The following CSMD1 variants were observed in gnomAD, a reference collection of about 807,000 sequenced individuals.
The protein encoded by CSMD1 is CUB and Sushi multiple domains 1, also known as CUB and sushi domain-containing protein 1.
Under a neutral mutation model 417.5 loss-of-function variants are expected in CSMD1, and 213 were observed. The observed-to-expected ratio is 0.51, with a 90% confidence interval of 0.46 to 0.57. The LOEUF is 0.57. CSMD1 is among the 20% of genes least tolerant of loss of function. The pLI is 0.00. For synonymous variants in CSMD1, 2,862 were observed against 1,736.8 expected, an observed-to-expected ratio of 1.65 and a Z score of -16.11; for missense variants, 6,923 against 4,529.7, an observed-to-expected ratio of 1.53 and a Z score of -15.17.
At chr8:3,540,431 A>G (rs1458836985) in intron 10 of CSMD1, among the ~76,000 whole-genome samples, 3 of 152,238 alleles carry the variant, frequency 2.0e-5, no homozygotes, top group Non-Finnish European at 4.4e-5. Flanking sequence ...TAAAAACCCT[A>G]GAATAAAATC....
chr8:3,712,788 G>C (rs1241591034), intron 6 of CSMD1, among the ~76,000 whole-genome samples: 5 of 152,166 alleles, frequency 3.3e-5, no homozygotes, highest in Non-Finnish European at 5.9e-5. Context: ...TGGGTAAGGT[G>C]ATTCCTTAGT....
At chr8:3,014,469 C>CT (rs952072288) in intron 52 of CSMD1, among the ~76,000 whole-genome samples, 5 of 152,108 alleles carry the variant, frequency 3.3e-5, no homozygotes, top group Non-Finnish European at 7.3e-5. Flanking sequence ...AGGATTCTTC[C>CT]TTTCCATAAT....
At chr8:4,262,657 T>C (rs1803969475) in intron 3 of CSMD1, among the ~76,000 whole-genome samples, 1 of 151,892 alleles carries the variant, frequency 6.6e-6, no homozygotes, top group African/African-American at 2.4e-5. Flanking sequence ...GCTGAAAGAG[T>C]AAAACGTGCC....
chr8:2,959,229 G>C (rs1046186583), intron 62 of CSMD1, among the ~76,000 whole-genome samples: 14 of 152,138 alleles, frequency 9.2e-5, no homozygotes, highest in African/African-American at 3.4e-4. Flanking sequence ...TCAGCCTTCT[G>C]CACAGCTGTG....
At chr8:3,565,860 T>G (rs946957479) in intron 10 of CSMD1, among the ~76,000 whole-genome samples, 3 of 152,164 alleles carry the variant, frequency 2.0e-5, no homozygotes, top group Non-Finnish European at 2.9e-5. Flanking sequence ...CATCTTGATT[T>G]AGGTTCATAT....
chr8:3,423,009 T>C (rs918175977), intron 12 of CSMD1, among the ~76,000 whole-genome samples: 1 of 152,212 alleles, frequency 6.6e-6, no homozygotes, highest in Non-Finnish European at 1.5e-5. Context: ...ACCTGAATTT[T>C]ACAGGAGACA....
intron 3 of CSMD1, among the ~76,000 whole-genome samples, chr8:4,134,820 C>A (rs1035945875): frequency 8.5e-5 from 13 of 152,112 alleles, no homozygotes; most frequent in African/African-American, 3.1e-4. Context: ...AAATTTTGTC[C>A]TTGGCCTTGG....
intron 16 of CSMD1, among the ~76,000 whole-genome samples, chr8:3,398,085 A>T (rs1811810948): frequency 6.6e-6 from 1 of 152,216 alleles, no homozygotes; most frequent in South Asian, 2.1e-4. Context: ...GGGAAAAATC[A>T]AGCAAATATC....
At chr8:4,287,817 C>A (rs995731434) in intron 3 of CSMD1, among the ~76,000 whole-genome samples, 1 of 151,868 alleles carries the variant, frequency 6.6e-6, no homozygotes, top group East Asian at 1.9e-4. Context: ...TCTCTGTGGC[C>A]CACTGAATGC....
chr8:4,299,506 A>C (rs1002060769), intron 3 of CSMD1, among the ~76,000 whole-genome samples: 44 of 152,332 alleles, frequency 2.9e-4, no homozygotes, highest in African/African-American at 9.9e-4. Flanking sequence ...TGTGGTAGAC[A>C]CCTTGTAAGT....
At chr8:4,497,432 T>C (rs1043905311) in intron 2 of CSMD1, among the ~76,000 whole-genome samples, 1 of 152,230 alleles carries the variant, frequency 6.6e-6, no homozygotes, top group Non-Finnish European at 1.5e-5. Flanking sequence ...TAACCGCTTT[T>C]CAATTTATGC....
chr8:3,209,086 G>A (rs17319422), intron 30 of CSMD1, among the ~76,000 whole-genome samples: 11 of 151,936 alleles, frequency 7.2e-5, no homozygotes, highest in African/African-American at 1.7e-4. Flanking sequence ...TGATAGTAGA[G>A]GACATTTTTG....
At chr8:3,793,354 T>C (rs1355413042) in intron 5 of CSMD1, among the ~76,000 whole-genome samples, 1 of 152,204 alleles carries the variant, frequency 6.6e-6, no homozygotes, top group Non-Finnish European at 1.5e-5. Context: ...ATCATTTAAA[T>C]TCTGTCATTT....
At chr8:3,566,927 A>G (rs942259269) in intron 10 of CSMD1, among the ~76,000 whole-genome samples, 1 of 152,238 alleles carries the variant, frequency 6.6e-6, no homozygotes, top group Non-Finnish European at 1.5e-5. Context: ...ATTACTGGGT[A>G]CATACCCAAA....
At chr8:4,476,889 G>GA (rs1424923576) in intron 2 of CSMD1, among the ~76,000 whole-genome samples, 1 of 152,142 alleles carries the variant, frequency 6.6e-6, no homozygotes, top group Non-Finnish European at 1.5e-5. Context: ...TTTTGTGAAG[G>GA]AAAAATCCCA....
At chr8:3,106,744 A>C in intron 45 of CSMD1, 103 bp from the exon 46 acceptor site, 1 of 561,566 alleles carries the variant, frequency 1.8e-6, no homozygotes, top group South Asian at 3.0e-5. Context: ...ATCAACTTGC[A>C]AATCTTTTTA....
At chr8:3,556,841 G>C (rs1799178132) in intron 10 of CSMD1, among the ~76,000 whole-genome samples, 1 of 151,428 alleles carries the variant, frequency 6.6e-6, no homozygotes, top group Non-Finnish European at 1.5e-5. Context: ...CTGCCATAGG[G>C]CTTACCCCCT....
intron 10 of CSMD1, among the ~76,000 whole-genome samples, chr8:3,501,974 G>C (rs1052461086): frequency 6.6e-6 from 1 of 152,106 alleles, no homozygotes; most frequent in African/African-American, 2.4e-5. Flanking sequence ...TTGCTGATGG[G>C]AATGCAAAAT....
chr8:3,988,328 A>G (rs1814490128), intron 5 of CSMD1, among the ~76,000 whole-genome samples: 1 of 152,262 alleles, frequency 6.6e-6, no homozygotes. Flanking sequence ...CTTGCATCAA[A>G]TTCTGAAATA....
Sources: allele counts gnomAD v4.1 joint callset (sites outside exome capture counted in the v4.1 genomes callset), GRCh38; gene constraint gnomAD v4.1.1; transcripts MANE v1.5; gene names NCBI Gene and HGNC (gene_info 2026-07-23, HGNC 2026-07-21).